Variants in CALN1 observed in about 807,000 individuals in gnomAD.
CALN1 encodes calneuron 1.
A neutral mutation model predicts 30.6 loss-of-function variants in CALN1; 17 were observed. The observed-to-expected ratio is 0.56, with a 90% CI of 0.38 to 0.83. The LOEUF is 0.83. Among genes scored for constraint, CALN1 ranks in the 40% least tolerant of loss-of-function variants. The pLI is 0.00. For missense variants in CALN1, 291 were observed against 354.9 expected, an observed-to-expected ratio of 0.82 and a Z score of 1.45; for synonymous variants, 156 against 131.4, an observed-to-expected ratio of 1.19 and a Z score of -1.28.
At chr7:72,354,322 G>A (rs756080880) in intron 2 of CALN1, among the ~76,000 whole-genome samples, 1 of 152,106 alleles carries the variant, frequency 6.6e-6, no homozygotes, top group Non-Finnish European at 1.5e-5. Flanking sequence ...AAAATAAATG[G>A]AGACCTATAC....
At chr7:72,353,948 A>T (rs1400281728) in intron 2 of CALN1, among the ~76,000 whole-genome samples, 1 of 152,132 alleles carries the variant, frequency 6.6e-6, no homozygotes, top group East Asian at 1.9e-4. Flanking sequence ...GCACTTTGGG[A>T]GGCCAAAGTG....
intron 3 of CALN1, among the ~76,000 whole-genome samples, chr7:72,147,501 G>A (rs1786850808): frequency 7.0e-6 from 1 of 142,534 alleles, no homozygotes; most frequent in African/African-American, 2.6e-5. Flanking sequence ...CTGTTGGTGG[G>A]ACTGTAAACT....
At chr7:72,400,640 C>A (rs750394428) in intron 2 of CALN1, among the ~76,000 whole-genome samples, 3 of 152,140 alleles carry the variant, frequency 2.0e-5, no homozygotes, top group Non-Finnish European at 4.4e-5. Flanking sequence ...GAGGCCAAGG[C>A]AGGTGTATCA....
chr7:72,111,036 G>A (rs1470948876), intron 3 of CALN1, among the ~76,000 whole-genome samples: 29 of 152,164 alleles, frequency 1.9e-4, no homozygotes, highest in South Asian at 2.1e-4. Context: ...TCACCGAAAC[G>A]TACTCCTTCT....
intron 2 of CALN1, among the ~76,000 whole-genome samples, chr7:72,363,578 TA>T (rs1803694298): frequency 6.6e-6 from 1 of 151,746 alleles, no homozygotes; most frequent in Admixed American, 6.6e-5. Context: ...TTACTTTTTT[TA>T]CAGAAAAAAG....
intron 2 of CALN1, among the ~76,000 whole-genome samples, chr7:72,316,286 AG>A (rs1434226583): frequency 8.5e-5 from 13 of 152,058 alleles, no homozygotes; most frequent in Non-Finnish European, 1.6e-4. Flanking sequence ...AAAATGTTGA[AG>A]TGGGAGAATA....
intron 2 of CALN1, among the ~76,000 whole-genome samples, chr7:72,369,858 C>A (rs920361859): frequency 1.3e-5 from 2 of 152,176 alleles, no homozygotes; most frequent in African/African-American, 4.8e-5. Flanking sequence ...ATTTGTTAAT[C>A]CACTAACCTA....
intron 4 of CALN1, among the ~76,000 whole-genome samples, chr7:72,072,022 TAAAG>T (rs1264777871): frequency 6.6e-6 from 1 of 152,050 alleles, no homozygotes; most frequent in Admixed American, 6.6e-5. Context: ...AAACAGAACA[TAAAG>T]TATGTGTGAG....
chr7:72,054,288 T>G (rs1584840787), intron 4 of CALN1, among the ~76,000 whole-genome samples: 1 of 151,796 alleles, frequency 6.6e-6, no homozygotes, highest in Non-Finnish European at 1.5e-5. Context: ...GACTTTTTCA[T>G]AGTAGCCATT....
intron 4 of CALN1, among the ~76,000 whole-genome samples, chr7:72,047,331 G>A (rs868853254): frequency 3.9e-5 from 6 of 152,154 alleles, no homozygotes; most frequent in Admixed American, 1.3e-4. Context: ...GCTGAGAGTC[G>A]TGGCTACCTG....
chr7:71,961,782 A>AAGAG (rs548458284), intron 5 of CALN1, among the ~76,000 whole-genome samples: 39 of 152,270 alleles, frequency 2.6e-4, no homozygotes, highest in African/African-American at 8.9e-4. Flanking sequence ...AGGGCAGCAG[A>AAGAG]AGAGAGAGGG....
At chr7:72,047,586 C>T (rs1802552641) in intron 4 of CALN1, among the ~76,000 whole-genome samples, 1 of 152,142 alleles carries the variant, frequency 6.6e-6, no homozygotes, top group Admixed American at 6.5e-5. Flanking sequence ...AAAACCTTGT[C>T]TCAATAAGAT....
intron 5 of CALN1, among the ~76,000 whole-genome samples, chr7:71,899,974 A>G (rs1309820906): frequency 6.6e-6 from 1 of 152,234 alleles, no homozygotes; most frequent in Admixed American, 6.5e-5. Flanking sequence ...ACTCATCACT[A>G]TAAGGGCAAA....
intron 3 of CALN1, among the ~76,000 whole-genome samples, chr7:72,159,734 G>C (rs1787965471): frequency 1.3e-5 from 2 of 152,144 alleles, no homozygotes; most frequent in Admixed American, 1.3e-4. Flanking sequence ...GGAGGCAAAG[G>C]TTGCAGTGAA....
At chr7:72,239,157 G>GAGGCCAAGAC (rs912995917) in intron 3 of CALN1, among the ~76,000 whole-genome samples, 7 of 152,200 alleles carry the variant, frequency 4.6e-5, no homozygotes, top group Non-Finnish European at 7.3e-5. Flanking sequence ...AACAATTTGG[G>GAGGCCAAGAC]AGGCCAAGAC....
Position 71,810,134 on chromosome 7 carries a change from C to T in CALN1, c.658+202G>A, listed in dbSNP as rs1251511911. On this transcript the variant is annotated intron_variant, in intron 6 of 6. Transcript: ENST00000395275. The stretch of plus-strand genomic sequence containing the variant: ...GTCAGTGGAGATTCTGCAAAAAATG[C>T]AGAATTTGGAGGAGAAAGATGGAGA... 2.6e-5 allele frequency among the ~76,000 whole-genome samples: 4 copies of T among 152,008 alleles called. No individual in the cohort carries two copies. The East Asian group carries it at 5.8e-4, about 22-fold the overall frequency.
the CALN1 span, among the ~76,000 whole-genome samples, chr7:72,479,511 G>A: frequency 2.0e-5 from 3 of 148,174 alleles, no homozygotes; most frequent in Admixed American, 6.7e-5. Context: ...AAATGTTATA[G>A]TTTTAGGTTT....
chr7:71,963,390 T>C (rs865784180), intron 5 of CALN1, among the ~76,000 whole-genome samples: 12 of 152,100 alleles, frequency 7.9e-5, no homozygotes, highest in African/African-American at 2.9e-4. Context: ...CTTGATCTCC[T>C]TACCTCGTGA....
chr7:72,132,081 T>A (rs1182470580), intron 3 of CALN1, among the ~76,000 whole-genome samples: 3 of 152,168 alleles, frequency 2.0e-5, no homozygotes, highest in African/African-American at 7.2e-5. Flanking sequence ...AATAACTCAA[T>A]CTACACAAAA....
Sources: allele counts gnomAD v4.1 joint callset (sites outside exome capture counted in the v4.1 genomes callset), GRCh38; gene constraint gnomAD v4.1.1; transcripts MANE v1.5; gene names NCBI Gene and HGNC (gene_info 2026-07-23, HGNC 2026-07-21).